ZAN: variants seen among roughly 807,000 people sequenced by gnomAD.
ZAN encodes the protein zonadhesin.
ZAN carries 260 observed loss-of-function variants against 286.2 expected under a neutral mutation model. That is an observed-to-expected ratio of 0.91 (90% CI 0.82 to 1.01). The LOEUF is 1.01. Ranked by LOEUF, ZAN falls within the 50% of genes least tolerant of loss-of-function variation. ZAN has a pLI of 0.00. For missense variants in ZAN, 3,410 were observed against 3,639.2 expected, an observed-to-expected ratio of 0.94 and a Z score of 1.62; for synonymous variants, 1,368 against 1,417.5, an observed-to-expected ratio of 0.97 and a Z score of 0.79.
chr7:100,769,721 A>C (rs192802326), intron 27 of ZAN, among the ~76,000 whole-genome samples, 159 bp from the exon 28 acceptor site: 1 of 151,832 alleles, frequency 6.6e-6, no homozygotes, highest in Admixed American at 6.6e-5. Flanking sequence ...ATTTTTAAAA[A>C]TTTTGTGTAG....
In ZAN at chr7:100,787,946, GCTACCGCTTGCAAGGCCGCATGACCTAT is replaced by G; in HGVS notation, c.7038_7065del (p.Ser2346ArgfsTer3). 2 of 488,914 alleles carry G rather than the reference GCTACCGCTTGCAAGGCCGCATGACCTAT, an allele frequency of 4.1e-6. No individual in the cohort carries two copies. The highest frequency in any genetic ancestry group is 7.4e-6 in the Non-Finnish European group (2 of 271,024). The allele number at this position is 488,914 out of a possible 1,614,324, so 30.3% of individuals were successfully genotyped here. ...CGTTACCTCACATTTGACGGCTTCA[GCTACCGCTTGCAAGGCCGCATGACCTAT>G]GTTCTGATCAAGACTGTGGACGTAC... On this transcript the variant is annotated frameshift_variant, in exon 38 of 48. Coordinates refer to ENST00000613979, the MANE Select transcript of ZAN (RefSeq NM_003386.3). LOFTEE classifies it high-confidence loss of function.
intron 11 of ZAN, among the ~76,000 whole-genome samples, chr7:100,749,711 TAC>T (rs200634433): frequency 0.059 from 7,584 of 128,708 alleles, 283 homozygotes; most frequent in Middle Eastern, 0.11. Context: ...CATATATATA[TAC>T]ACACACACAC....
chr7:100,746,445 A>G, intron 7 of ZAN, 93 bp from the exon 8 acceptor site: 1 of 1,480,528 alleles, frequency 6.8e-7, no homozygotes, highest in East Asian at 2.4e-5. Context: ...GGGGATCCCC[A>G]GAGACAAGTC....
At chr7:100,737,489 G>A (rs1229140208) in intron 6 of ZAN, 140 bp downstream of exon 6, 13 of 566,536 alleles carry the variant, frequency 2.3e-5, no homozygotes, top group Non-Finnish European at 3.3e-5. Flanking sequence ...GGCGGATCAC[G>A]AGGTCAAGAG....
Position 100,775,819 on chromosome 7 carries a change from A to G in ZAN, c.6178A>G (p.Thr2060Ala), listed in dbSNP as rs1417969304. The G allele has an allele frequency of 1.2e-6, 2 of 1,613,538 alleles. No individual in the cohort carries two copies. The highest frequency in any genetic ancestry group is 2.7e-5 in the African/African-American group (2 of 74,904). The change falls in exon 33 of 48, where the codon ACC (threonine) becomes GCC (alanine). Residue 2060 changes from threonine to alanine, a missense_variant. Thr to Ala is a moderately conservative substitution (Grantham distance 58). Around this residue, in one of 7 missense-constraint regions of ZAN, gnomAD observed 1,289 missense variants for 1,314.3 expected, o/e 0.98. Coordinates refer to ENST00000613979, the MANE Select transcript of ZAN (RefSeq NM_003386.3). ...NHLLEIEIPT[T>A]YYGKVCGMCG... Reference sequence around the variant, plus strand: ...TCTCTTAGAGATTGAAATCCCCACAACCTACTATGGAAAGGTGAGGAAAAC... The same window carrying G: ...TCTCTTAGAGATTGAAATCCCCACAGCCTACTATGGAAAGGTGAGGAAAAC...
rs770416506 is a variant in ZAN at position 100,775,378 on chromosome 7, G to T, written c.5830G>T (p.Gly1944Cys). 1.9e-6 allele frequency: 3 copies of T among 1,613,816 alleles called. No homozygotes were observed. Among genetic ancestry groups the T allele is most frequent in the Non-Finnish European group, 2.5e-6 (3 of 1,179,852 alleles). The change falls in exon 32 of 48, where the codon GGT (glycine) becomes TGT (cysteine). Residue 1944 changes from glycine to cysteine, a missense_variant. By Grantham distance (159) the Gly-to-Cys change is radical. Coordinates refer to ENST00000613979, the MANE Select transcript of ZAN (RefSeq NM_003386.3). ...GGAGTCCCACTACGTGAGCTTTGAT[G>T]GTAGTAACCATTCTATCCCGGACGC... The part of the protein sequence containing the change: ...PGESHYVSFD[G>C]SNHSIPDACT...
In ZAN at chr7:100,736,931, C is replaced by G. The variant is rs1458198598; in HGVS notation, c.376C>G (p.Leu126Val). 6.7e-7 allele frequency: 1 copy of G among 1,500,148 alleles called. No homozygotes were observed. The highest frequency in any genetic ancestry group is 9.1e-7 in the Non-Finnish European group (1 of 1,096,452). 92.9% of individuals were successfully genotyped at this position (1,500,148 alleles called of 1,614,324 possible). ...GCACTTTGCCCACCACATGTTCGGG[C>G]TGTCTTGGGGCGCCCAGCTCAGGCT... The part of the protein sequence containing the change: ...CVHFAHHMFG[L>V]SWGAQLRLLL... The change falls in exon 5 of 48, where the codon CTG becomes GTG. Residue 126 changes from leucine (L) to valine (V), a missense_variant. Physicochemically the swap from Leu to Val is conservative, Grantham distance 32. Coordinates refer to ENST00000613979, the MANE Select transcript of ZAN (RefSeq NM_003386.3).
chr7:100,752,490 C>T lies in ZAN; in HGVS notation c.2385C>T (p.Thr795=). The change falls in exon 14 of 48, where the codon ACC becomes ACT. Residue 795 remains threonine (T), a synonymous_variant. Transcript: ENST00000613979. ...EKPTIPTEKP[T]ISTEEPTTPT... ...CCACCATTCCCACAGAAAAACCCAC[C>T]ATCTCCACAGAAGAGCCCACCACCC... The T allele has an allele frequency of 6.2e-7, 1 of 1,611,288 alleles. No homozygotes were observed. Among genetic ancestry groups the T allele is most frequent in the Non-Finnish European group, 8.5e-7 (1 of 1,179,100 alleles).
chr7:100,745,866 C>T (rs1314091604), intron 7 of ZAN, among the ~76,000 whole-genome samples: 1 of 151,682 alleles, frequency 6.6e-6, no homozygotes, highest in Non-Finnish European at 1.5e-5. Context: ...AGAACCATAC[C>T]TTGTCTCAAA....
At chr7:100,775,230 T>A in intron 31 of ZAN, 98 bp from the exon 32 acceptor site, 1 of 1,490,738 alleles carries the variant, frequency 6.7e-7, no homozygotes, top group Non-Finnish European at 9.0e-7. Flanking sequence ...GGGTCTTGAC[T>A]CTTTTCTGGA....
intron 40 of ZAN, among the ~76,000 whole-genome samples, chr7:100,791,399 C>T (rs912238649): frequency 4.0e-5 from 6 of 151,784 alleles, no homozygotes; most frequent in African/African-American, 1.5e-4. Context: ...CCTTCTCCTC[C>T]TCCTCCTCCT....
At chr7:100,761,170 A>T (rs775909566) in intron 19 of ZAN, among the ~76,000 whole-genome samples, 2 of 152,144 alleles carry the variant, frequency 1.3e-5, no homozygotes, top group Non-Finnish European at 1.5e-5. Flanking sequence ...TTGGAATTAC[A>T]GGGGAGCCAC....
intron 29 of ZAN, among the ~76,000 whole-genome samples, chr7:100,772,378 C>T (rs577590952): frequency 6.2e-4 from 94 of 150,580 alleles, no homozygotes; most frequent in Non-Finnish European, 9.2e-4. Flanking sequence ...TGCAGTGAGC[C>T]GAGATCACAC....
chr7:100,770,183 G>A (rs1051781855), intron 28 of ZAN, among the ~76,000 whole-genome samples: 6 of 151,826 alleles, frequency 4.0e-5, no homozygotes, highest in African/African-American at 1.2e-4. Flanking sequence ...AGATAAATCC[G>A]GGATTTCTTT....
At position 100,784,632 on chromosome 7, in the gene ZAN, G is replaced by A. The variant is rs776660415; in HGVS notation, c.6632G>A (p.Cys2211Tyr). Residue 2211 changes from cysteine to tyrosine, a missense_variant, in exon 36 of 48, where the codon TGC becomes TAC. Cys to Tyr is a radical substitution (Grantham distance 194, BLOSUM62 -2). Coordinates refer to ENST00000613979, the MANE Select transcript of ZAN (RefSeq NM_003386.3). Reference sequence around the variant, plus strand: ...TCTCCTTCACCCACAGCTCTGGAATGCCCTGCCTACAGCAGCTACACCAAC... The same window carrying A: ...TCTCCTTCACCCACAGCTCTGGAATACCCTGCCTACAGCAGCTACACCAAC... ...WRNSSFCPLE[C>Y]PAYSSYTNCL... 1 of 1,613,758 alleles carries A rather than the reference G, an allele frequency of 6.2e-7. No homozygotes were observed. The highest frequency in any genetic ancestry group is 8.5e-7 in the Non-Finnish European group (1 of 1,179,870).
intron 28 of ZAN, among the ~76,000 whole-genome samples, chr7:100,770,963 C>T (rs1368730790): frequency 6.6e-6 from 1 of 152,138 alleles, no homozygotes; most frequent in Non-Finnish European, 1.5e-5. Context: ...GCCACCACAC[C>T]CGGCTAGTTT....
In ZAN at chr7:100,788,006, AG is replaced by A; in HGVS notation, c.7102del (p.Val2368TrpfsTer24). 6.2e-7 allele frequency: 1 copy of A among 1,600,204 alleles called. No homozygotes were observed. On this transcript the variant is annotated frameshift_variant, in exon 38 of 48. Coordinates refer to ENST00000613979, the MANE Select transcript of ZAN (RefSeq NM_003386.3). LOFTEE classifies it high-confidence loss of function. The stretch of plus-strand genomic sequence containing the variant: ...ATCAAGACTGTGGACGTACTGCCTG[AG>A]GGGGTGGAGCCCCTCCTCGTGGAAG... ...VLIKTVDVLP[E>X]GVEPLLVEGR... is the part of the protein sequence containing the mutation.
Position 100,767,983 on chromosome 7 carries a change from C to T in ZAN, c.5013C>T (p.Ser1671=), listed in dbSNP as rs1213362997. 2.5e-6 allele frequency: 4 copies of T among 1,613,502 alleles called. No homozygotes were observed. Among genetic ancestry groups the T allele is most frequent in the East Asian group, 4.5e-5 (2 of 44,900 alleles). The change falls in exon 26 of 48, where the codon TCC becomes TCT. Residue 1671 remains serine, a synonymous_variant. Transcript: ENST00000613979. ...SHLVEVTVPS[S]YGGQLCGLCG... ...TGGTGGAAGTGACAGTCCCCTCCTC[C>T]TATGGCGGCCAGCTCTGTGGGCTGT...
chr7:100,771,338 C>T (rs1810351391), intron 28 of ZAN, among the ~76,000 whole-genome samples: 1 of 152,112 alleles, frequency 6.6e-6, no homozygotes, highest in African/African-American at 2.4e-5. Flanking sequence ...TGCTGAGTAG[C>T]TGGGACTACA....
Sources: allele counts gnomAD v4.1 joint callset (sites outside exome capture counted in the v4.1 genomes callset), GRCh38; gene constraint gnomAD v4.1.1; regional missense constraint gnomAD v4.1.1; transcripts MANE v1.5; gene names NCBI Gene and HGNC (gene_info 2026-07-23, HGNC 2026-07-21).